RBP5: variants seen among roughly 807,000 people sequenced by gnomAD.
The protein encoded by RBP5 is retinol-binding protein 5.
A neutral mutation model predicts 17.8 loss-of-function variants in RBP5; 12 were observed. The ratio of observed to expected loss-of-function variants is 0.67; its 90% CI spans 0.43 to 1.09. RBP5 has a LOEUF of 1.09. Among genes scored for constraint, RBP5 ranks in the 50% least tolerant of loss-of-function variants. The pLI, the probability that RBP5 is intolerant of heterozygous loss-of-function variation, is 0.00. For missense variants in RBP5, 172 were observed against 169.4 expected, an observed-to-expected ratio of 1.02 and a Z score of -0.09; for synonymous variants, 64 against 68.1, an observed-to-expected ratio of 0.94 and a Z score of 0.30.
exon 4 of RBP5, chr12:7,116,041 T>G (rs1326268885): frequency 2.0e-5 from 3 of 152,190 alleles, no homozygotes; most frequent in Admixed American, 6.5e-5. Flanking sequence ...CAATTCCACA[T>G]GAGATTTGGT....
chr12:7,122,285 T>C (rs963138561), downstream of RBP5: 1 of 152,258 alleles, frequency 6.6e-6, no homozygotes, highest in African/African-American at 2.4e-5. Context: ...TGAAGCTGCA[T>C]AGTCCTCCCC....
chr12:7,124,029 A>G lies in RBP5; in HGVS notation c.*92T>C. The stretch of plus-strand genomic sequence containing the variant: ...GGAGGAAAGGTGGCCAGAGGAAGGG[A>G]CAGCTGACCTGGCACAATCTGGGCT... On this transcript the variant is annotated 3_prime_UTR_variant, in exon 4 of 4. Transcript: ENST00000266560. The surrounding 1 kb of genome is among the most constrained non-coding windows in gnomAD (Gnocchi z 5.3). 1 of 1,236,350 alleles carries G rather than the reference A, an allele frequency of 8.1e-7. No individual in the cohort carries two copies. The allele number at this position is 1,236,350 out of a possible 1,614,324, so 76.6% of individuals were successfully genotyped here.
upstream of RBP5, chr12:7,129,497 C>A: frequency 4.0e-6 from 2 of 495,186 alleles, no homozygotes; most frequent in Non-Finnish European, 5.2e-6. The surrounding 1 kb of genome is among the most constrained non-coding windows in gnomAD (Gnocchi z 5.5). Context: ...GAACAGACAG[C>A]CTGAGAGGAG....
Position 7,123,873 on chromosome 12 carries a change from C to T in RBP5, c.*248G>A. On this transcript the variant is annotated 3_prime_UTR_variant, in exon 4 of 4. Transcript: ENST00000266560. The stretch of plus-strand genomic sequence containing the variant: ...AGGGGCTCCTTCCCTTTGCCTGCTT[C>T]TTTCATTTGGGACGCCAGACCTTGA... 1 of 483,216 alleles carries T rather than the reference C, an allele frequency of 2.1e-6. No homozygotes were observed. The allele number at this position is 483,216 out of a possible 1,614,324, so 29.9% of individuals were successfully genotyped here. A position where few individuals can be genotyped will look rare whatever the true frequency, so the allele number is the denominator to read the frequency against.
chr12:7,120,161 A>G (rs1358978332), downstream of RBP5, among the ~76,000 whole-genome samples: 1 of 152,058 alleles, frequency 6.6e-6, no homozygotes, highest in Middle Eastern at 3.2e-3. Context: ...CCCCAGCTAG[A>G]TGGTGGGTCA....
intron 2 of RBP5, chr12:7,127,857 A>G: frequency 1.6e-6 from 1 of 618,510 alleles, no homozygotes; most frequent in Non-Finnish European, 2.9e-6. Flanking sequence ...TCTGCAAAGG[A>G]GGCTAAGAAG....
At chr12:7,123,091 T>C (rs774404349), downstream of RBP5, among the ~76,000 whole-genome samples, 5 of 152,250 alleles carry the variant, frequency 3.3e-5, no homozygotes, top group South Asian at 2.1e-4. Flanking sequence ...TTCACTCTGA[T>C]AGTTGGGCCC....
Position 7,123,852 on chromosome 12 carries a change from G to T in RBP5, c.*269C>A, listed in dbSNP as rs528410018. 127 of 457,320 alleles carry T rather than the reference G, an allele frequency of 2.8e-4. No individual in the cohort carries two copies. The highest frequency in any genetic ancestry group is 3.5e-4 in the Non-Finnish European group (89 of 251,762). 28.3% of individuals were successfully genotyped at this position (457,320 alleles called of 1,614,324 possible). A position where few individuals can be genotyped will look rare whatever the true frequency, so the allele number is the denominator to read the frequency against. On this transcript the variant is annotated 3_prime_UTR_variant, in exon 4 of 4. Coordinates refer to ENST00000266560, the MANE Select transcript of RBP5 (RefSeq NM_031491.4). The stretch of plus-strand genomic sequence containing the variant: ...GAGCGGAGATTGGTTGTTCTCAGGG[G>T]CTCCTTCCCTTTGCCTGCTTCTTTC...
Position 7,128,583 on chromosome 12 carries a change from C to T in RBP5, c.73+120G>A. 8.3e-7 allele frequency: 1 copy of T among 1,199,392 alleles called. No homozygotes were observed. Among genetic ancestry groups the T allele is most frequent in the Non-Finnish European group, 1.2e-6 (1 of 829,768 alleles). The allele number at this position is 1,199,392 out of a possible 1,614,324, so 74.3% of individuals were successfully genotyped here. A position where few individuals can be genotyped will look rare whatever the true frequency, so the allele number is the denominator to read the frequency against. ...AAATGGATCCCAGGTCTGGTGCCAG[C>T]CGCCTGAGCCTTTCCACAGTGTCCA... is the stretch of plus-strand genomic sequence containing the variant. On this transcript the variant is annotated intron_variant, in intron 1 of 3. Transcript: ENST00000266560. This position sits in a 1 kb window ranked among gnomAD's most constrained non-coding sequence, Gnocchi z 5.3.
chr12:7,129,728 G>T (rs1221040068), upstream of RBP5: 1 of 985,396 alleles, frequency 1.0e-6, no homozygotes, highest in Non-Finnish European at 1.2e-6. This position sits in a 1 kb window ranked among gnomAD's most constrained non-coding sequence, Gnocchi z 5.5. Context: ...ATCGTCCCGG[G>T]CTTCAGAATC....
In RBP5 at chr12:7,123,868, T is replaced by C. The variant is rs749114970; in HGVS notation, c.*253A>G. On this transcript the variant is annotated 3_prime_UTR_variant, in exon 4 of 4. Coordinates refer to ENST00000266560, the MANE Select transcript of RBP5 (RefSeq NM_031491.4). Reference sequence around the variant, plus strand: ...TTCTCAGGGGCTCCTTCCCTTTGCCTGCTTCTTTCATTTGGGACGCCAGAC... The same window carrying C: ...TTCTCAGGGGCTCCTTCCCTTTGCCCGCTTCTTTCATTTGGGACGCCAGAC... 1.9e-5 allele frequency: 9 copies of C among 478,796 alleles called. No homozygotes were observed. The highest frequency in any genetic ancestry group is 3.0e-5 in the Non-Finnish European group (8 of 264,846). The allele number at this position is 478,796 out of a possible 1,614,324, so 29.7% of individuals were successfully genotyped here.
At position 7,126,510 on chromosome 12, in the gene RBP5, GGTGTGTGTGT is replaced by G. The variant is rs780320410; in HGVS notation, c.252+1720_252+1729del. 4.5e-4 allele frequency among the ~76,000 whole-genome samples: 59 copies of G among 131,102 alleles called. 1 individual carries two copies. The highest frequency in any genetic ancestry group is 9.1e-4 in the Admixed American group (12 of 13,120). The allele number at this position is 131,102 out of a possible 152,430, so 86.0% of individuals were successfully genotyped here. A position where few individuals can be genotyped will look rare whatever the true frequency, so the allele number is the denominator to read the frequency against. On this transcript the variant is annotated intron_variant, in intron 2 of 3. Transcript: ENST00000266560. ...TAGATGTGGTGGTGGTGGTGGTGGT[GGTGTGTGTGT>G]GTGTGTGTGTGTGTGTGTGTGTGTG...
chr12:7,119,314 T>C (rs1027955105), downstream of RBP5, among the ~76,000 whole-genome samples: 5 of 151,480 alleles, frequency 3.3e-5, no homozygotes, highest in African/African-American at 1.2e-4. Context: ...CCTTTTCTCC[T>C]GCATTGAAGC....
chr12:7,119,038 G>C (rs1331828053), downstream of RBP5: 1 of 152,712 alleles, frequency 6.5e-6, no homozygotes, highest in Non-Finnish European at 1.5e-5. Context: ...TGAGGGCGCT[G>C]GTTCCTGTAT....
Position 7,128,266 on chromosome 12 carries a change from T to G in RBP5, c.226A>C (p.Arg76=). The change falls in exon 2 of 4, where the codon AGG becomes CGG. Residue 76 remains arginine (R), a synonymous_variant. Coordinates refer to ENST00000266560, the MANE Select transcript of RBP5 (RefSeq NM_031491.4). This position sits in a 1 kb window ranked among gnomAD's most constrained non-coding sequence, Gnocchi z 5.3. ...TGGCATTTTCGTCCGTCCACGCTCC[T>G]GAGGTCCTCCTCAAACTCCACTCCC... ...DVGVEFEEDL[R]SVDGRKCQTI... is the part of the protein sequence containing the mutation. 6.2e-7 allele frequency: 1 copy of G among 1,614,090 alleles called. No individual in the cohort carries two copies. Among genetic ancestry groups the G allele is most frequent in the Non-Finnish European group, 8.5e-7 (1 of 1,179,954 alleles).
At chr12:7,121,183 C>T (rs897882542), downstream of RBP5, among the ~76,000 whole-genome samples, 3 of 152,068 alleles carry the variant, frequency 2.0e-5, no homozygotes, top group African/African-American at 4.8e-5. Context: ...CTCCATCGTC[C>T]GCATGCTGGG....
Position 7,124,612 on chromosome 12 carries a change from G to T in RBP5, c.354+17C>A. On this transcript the variant is annotated intron_variant, in intron 3 of 3. Coordinates refer to ENST00000266560, the MANE Select transcript of RBP5 (RefSeq NM_031491.4). This position sits in a 1 kb window ranked among gnomAD's most constrained non-coding sequence, Gnocchi z 5.3. ...TGGAGGCCCTTCTCCCAGACACCCA[G>T]CCCCCACCCCATTTACCAGATACAG... is the stretch of plus-strand genomic sequence containing the variant. 4 of 1,322,350 alleles carry T rather than the reference G, an allele frequency of 3.0e-6. No homozygotes were observed. The highest frequency in any genetic ancestry group is 2.3e-5 in the East Asian group (1 of 43,646). The allele number at this position is 1,322,350 out of a possible 1,614,324, so 81.9% of individuals were successfully genotyped here.
chr12:7,122,682 T>A (rs1200843800), downstream of RBP5, among the ~76,000 whole-genome samples: 1 of 151,882 alleles, frequency 6.6e-6, no homozygotes, highest in Non-Finnish European at 1.5e-5. Flanking sequence ...TCTGGAGATG[T>A]GGGCAATGGG....
chr12:7,128,656 G>T lies in RBP5; in HGVS notation c.73+47C>A. The T allele has an allele frequency of 6.8e-7, 1 of 1,480,648 alleles. No homozygotes were observed. The highest frequency in any genetic ancestry group is 9.3e-7 in the Non-Finnish European group (1 of 1,078,272). 91.7% of individuals were successfully genotyped at this position (1,480,648 alleles called of 1,614,324 possible). A position where few individuals can be genotyped will look rare whatever the true frequency, so the allele number is the denominator to read the frequency against. On this transcript the variant is annotated intron_variant, in intron 1 of 3. Coordinates refer to ENST00000266560, the MANE Select transcript of RBP5 (RefSeq NM_031491.4). The surrounding 1 kb of genome is among the most constrained non-coding windows in gnomAD (Gnocchi z 5.3). ...CATGGGACCAAGAAGCAGGAAGGAA[G>T]AGGGGAGAAAGGGAGTGACAGGGGT... is the stretch of plus-strand genomic sequence containing the variant.
Sources: gnomAD v4.1 joint callset for allele counts (sites outside exome capture counted in the v4.1 genomes callset) on GRCh38, gnomAD v4.1.1 for gene constraint, Gnocchi (gnomAD v3.1) non-coding constraint, MANE v1.5 for transcripts, NCBI Gene and HGNC (gene_info 2026-07-23, HGNC 2026-07-21) for gene names.